Variants in PTPN1 observed in about 807,000 individuals in gnomAD.
The protein encoded by PTPN1 is tyrosine-protein phosphatase non-receptor type 1.
In PTPN1, 12 loss-of-function variants were observed where a neutral mutation model predicts 59.9. The observed-to-expected ratio is 0.20, with a 90% CI of 0.13 to 0.32. The LOEUF is 0.32. Among genes scored for constraint, PTPN1 ranks in the 10% least tolerant of loss-of-function variants. PTPN1 has a pLI of 1.00. For synonymous variants in PTPN1, 178 were observed against 203.6 expected, an observed-to-expected ratio of 0.87 and a Z score of 1.07; for missense variants, 356 against 549.2, an observed-to-expected ratio of 0.65 and a Z score of 3.52.
intron 1 of PTPN1, among the ~76,000 whole-genome samples, chr20:50,546,278 A>ATGAATTG (rs546171485): frequency 3.2e-3 from 482 of 152,288 alleles, no homozygotes; most frequent in African/African-American, 0.011. Context: ...CGATATTTGG[A>ATGAATTG]TGAATTGAAG....
chr20:50,551,693 C>A (rs906102796), intron 1 of PTPN1, among the ~76,000 whole-genome samples: 18 of 152,274 alleles, frequency 1.2e-4, no homozygotes, highest in Non-Finnish European at 2.4e-4. Flanking sequence ...CCGTAAAGAA[C>A]CTGTTTGTTA....
rs957462949 is a variant in PTPN1 at position 50,543,540 on chromosome 20, G to A, written c.64-17823G>A. On this transcript the variant is annotated intron_variant, in intron 1 of 9. Coordinates refer to ENST00000371621, the MANE Select transcript of PTPN1 (RefSeq NM_002827.4). Reference sequence around the variant, plus strand: ...ATTTGAATTTCGGGAGAGGGAGGAGGATGCAGCCTTTCGAGCTGCTGAAAT... The same window carrying A: ...ATTTGAATTTCGGGAGAGGGAGGAGAATGCAGCCTTTCGAGCTGCTGAAAT... 5.3e-5 allele frequency among the ~76,000 whole-genome samples: 8 copies of A among 152,130 alleles called. No individual in the cohort carries two copies. The East Asian group carries it at 1.2e-3, about 22-fold the overall frequency.
chr20:50,560,242 C>T (rs2082745996), intron 1 of PTPN1, among the ~76,000 whole-genome samples: 4 of 152,120 alleles, frequency 2.6e-5, no homozygotes, highest in Admixed American at 2.0e-4. Context: ...ACATCTTCCA[C>T]TGTGCCAACA....
Position 50,539,951 on chromosome 20 carries a change from G to A in PTPN1, c.64-21412G>A, listed in dbSNP as rs6020589. Among the ~76,000 whole-genome samples the A allele has an allele frequency of 4.2e-3, 629 of 150,928 alleles. 2 individuals carry two copies. The highest frequency in any genetic ancestry group is 0.014 in the African/African-American group (590 of 41,116). ...CGTTTTTCGTCTGGTACATTGCTTG[G>A]GTTTCCTTCTTCAGGAACTCAGCCT... On this transcript the variant is annotated intron_variant, in intron 1 of 9. Coordinates refer to ENST00000371621, the MANE Select transcript of PTPN1 (RefSeq NM_002827.4).
rs929715863 is a variant in PTPN1, at chr20:50,569,636, G to A, written c.354+1158G>A. On this transcript the variant is annotated intron_variant, in intron 4 of 9. Transcript: ENST00000371621. ...GTAGATTGTCTGTGTAGACTGTCCT[G>A]TGTAGACTGTCCTGTGTAGATTGTC... 2.6e-5 allele frequency among the ~76,000 whole-genome samples: 4 copies of A among 151,636 alleles called. No homozygotes were observed. The South Asian group carries it at 6.3e-4, about 24-fold the overall frequency.
rs1023234289 is a variant in PTPN1 at position 50,574,508 on chromosome 20, T to C, written c.355-9T>C. On this transcript the variant is annotated splice_polypyrimidine_tract_variant and intron_variant, in intron 4 of 9. Coordinates refer to ENST00000371621, the MANE Select transcript of PTPN1 (RefSeq NM_002827.4). ...GCTCACAATAATTCACTATTATTTG[T>C]TTCCCCAGTTAAAATGCGCACAATA... is the stretch of plus-strand genomic sequence containing the variant. The C allele has an allele frequency of 6.3e-7, 1 of 1,580,872 alleles. No homozygotes were observed. Among genetic ancestry groups the C allele is most frequent in the African/African-American group, 1.4e-5 (1 of 72,532 alleles).
chr20:50,575,045 C>T (rs190671152), intron 5 of PTPN1: 35 of 175,444 alleles, frequency 2.0e-4, no homozygotes, highest in Non-Finnish European at 3.6e-4. Context: ...TATAGGGGCT[C>T]ACTCCAGTTT....
chr20:50,554,248 G>T (rs931079374), intron 1 of PTPN1, among the ~76,000 whole-genome samples: 2 of 152,220 alleles, frequency 1.3e-5, no homozygotes, highest in Non-Finnish European at 2.9e-5. Flanking sequence ...TTAGCTGGAT[G>T]TGGAGGTCCA....
At chr20:50,578,676 T>C in intron 6 of PTPN1, 47 bp downstream of exon 6, 2 of 1,493,294 alleles carry the variant, frequency 1.3e-6, no homozygotes, top group Non-Finnish European at 1.8e-6. Context: ...CTACCTGCTC[T>C]GCTGTGATGT....
At chr20:50,580,037 GCTTCCGCATC>G in intron 8 of PTPN1, 111 bp downstream of exon 8, 1 of 989,730 alleles carries the variant, frequency 1.0e-6, no homozygotes. Context: ...GGCAAGCAGC[GCTTCCGCATC>G]CTTGGGGAAC....
At chr20:50,578,697 GTA>G in intron 6 of PTPN1, 68 bp downstream of exon 6, 1 of 1,378,462 alleles carries the variant, frequency 7.3e-7, no homozygotes, top group Non-Finnish European at 1.0e-6. Context: ...TTTTTCCTAA[GTA>G]GAAACTGAAG....
chr20:50,513,311 C>T lies in PTPN1; in HGVS notation c.63+2721C>T, dbSNP rs190275903. Among the ~76,000 whole-genome samples the T allele has an allele frequency of 2.6e-4, 39 of 152,186 alleles. No individual in the cohort carries two copies. The East Asian group carries it at 6.7e-3, about 26-fold the overall frequency. On this transcript the variant is annotated intron_variant, in intron 1 of 9. Coordinates refer to ENST00000371621, the MANE Select transcript of PTPN1 (RefSeq NM_002827.4). Reference sequence around the variant, plus strand: ...AGCATTTAAACACTTTCAAATCATCCGGTTGCTTGATTGGGCCTAGCTGTC... The same window carrying T: ...AGCATTTAAACACTTTCAAATCATCTGGTTGCTTGATTGGGCCTAGCTGTC...
At chr20:50,544,956 A>G (rs2082668487) in intron 1 of PTPN1, among the ~76,000 whole-genome samples, 1 of 152,128 alleles carries the variant, frequency 6.6e-6, no homozygotes, top group African/African-American at 2.4e-5. Context: ...CAGTGAGCAT[A>G]AATTGCACCA....
chr20:50,576,851 G>T (rs1391921831), intron 5 of PTPN1, among the ~76,000 whole-genome samples: 1 of 152,132 alleles, frequency 6.6e-6, no homozygotes, highest in African/African-American at 2.4e-5. Context: ...TTCCAGCCTG[G>T]GCGGCAGAGC....
In PTPN1 at chr20:50,579,274, C is replaced by T. The variant is rs2082853258; in HGVS notation, c.809C>T (p.Ser270Phe). 6.2e-7 allele frequency: 1 copy of T among 1,614,128 alleles called. No homozygotes were observed. The change falls in exon 7 of 10, where the codon TCC (serine) becomes TTC (phenylalanine). Residue 270 changes from serine to phenylalanine, a missense_variant. By Grantham distance (155) the Ser-to-Phe change is radical. Transcript: ENST00000371621. ...CAGACAGCCGACCAGCTGCGCTTCT[C>T]CTACCTGGCTGTGATCGAAGGTGCC... ...LIQTADQLRF[S>F]YLAVIEGAKF...
chr20:50,526,240 T>C (rs771401114), intron 1 of PTPN1, among the ~76,000 whole-genome samples: 17 of 152,174 alleles, frequency 1.1e-4, no homozygotes, highest in Non-Finnish European at 1.9e-4. Context: ...AATTTAATTT[T>C]ATTTTTAATG....
chr20:50,558,996 ATGATAAAGG>A (rs900542972), intron 1 of PTPN1, among the ~76,000 whole-genome samples: 1 of 150,076 alleles, frequency 6.7e-6, no homozygotes, highest in Non-Finnish European at 1.5e-5. Flanking sequence ...GGGAGCATGG[ATGATAAAGG>A]TATTGAGACC....
At chr20:50,570,543 C>G (rs1424501415) in intron 4 of PTPN1, among the ~76,000 whole-genome samples, 2 of 152,178 alleles carry the variant, frequency 1.3e-5, no homozygotes, top group East Asian at 3.8e-4. Context: ...AGCAAACCCC[C>G]ACCCTTCACC....
chr20:50,550,919 A>G (rs73272517), intron 1 of PTPN1, among the ~76,000 whole-genome samples: 3,792 of 152,330 alleles, frequency 0.025, 91 homozygotes, highest in African/African-American at 0.06. Context: ...CCAGATTGTG[A>G]TGTTTCACTT....
Sources: gnomAD v4.1 joint callset for allele counts (sites outside exome capture counted in the v4.1 genomes callset) on GRCh38, gnomAD v4.1.1 for gene constraint, MANE v1.5 for transcripts, NCBI Gene and HGNC (gene_info 2026-07-23, HGNC 2026-07-21) for gene names.